ALG14: variants seen among roughly 807,000 people sequenced by gnomAD.
The protein encoded by ALG14 is UDP-N-acetylglucosamine transferase subunit ALG14.
A neutral mutation model predicts 22.8 loss-of-function variants in ALG14; 17 were observed. That is an observed-to-expected ratio of 0.75 (90% confidence interval 0.51 to 1.12). ALG14 has a LOEUF of 1.12. Ranked by LOEUF, ALG14 falls within the 50% of genes most tolerant of loss-of-function variation. The pLI is 0.00. For missense variants in ALG14, 288 were observed against 271.8 expected, an observed-to-expected ratio of 1.06 and a Z score of -0.42; for synonymous variants, 89 against 103.7, an observed-to-expected ratio of 0.86 and a Z score of 0.86.
chr1:95,016,942 G>GGTGTGTGTGTGTGTGTGT (rs55962309), intron 3 of ALG14, among the ~76,000 whole-genome samples: 5 of 129,296 alleles, frequency 3.9e-5, no homozygotes, highest in African/African-American at 5.8e-5. Flanking sequence ...TTGCAAAAGG[G>GGTGTGTGTGTGTGTGTGT]GTGTGTGTGT....
chr1:95,050,477 G>C (rs1270140213), intron 2 of ALG14, among the ~76,000 whole-genome samples: 1 of 152,098 alleles, frequency 6.6e-6, no homozygotes, highest in Non-Finnish European at 1.5e-5. Flanking sequence ...GGTTCTGATA[G>C]AATAGCAATA....
At position 94,983,117 on chromosome 1, in the gene ALG14, C is replaced by T. The variant is rs1672539164; in HGVS notation, c.610G>A (p.Glu204Lys). The T allele has an allele frequency of 1.9e-6, 3 of 1,614,152 alleles. No homozygotes were observed. The highest frequency in any genetic ancestry group is 2.2e-5 in the East Asian group (1 of 44,868). ...YFIVQWPALK[E>K]KYPKSVYLGR... is the part of the protein sequence containing the mutation. ...AGGTACACCGATTTGGGATACTTTT[C>T]TTTCAGAGCCGGCCACTGAACAATG... is the stretch of plus-strand genomic sequence containing the variant. The change falls in exon 4 of 4, where the codon GAA (glutamate) becomes AAA (lysine). Residue 204 changes from glutamate to lysine, a missense_variant. Coordinates refer to ENST00000370205, the MANE Select transcript of ALG14 (RefSeq NM_144988.4).
intron 2 of ALG14, among the ~76,000 whole-genome samples, chr1:95,027,738 A>G (rs1013170447): frequency 6.6e-6 from 1 of 152,240 alleles, no homozygotes; most frequent in Non-Finnish European, 1.5e-5. Context: ...GTGGATAACC[A>G]GTGTTGTTGA....
At chr1:94,987,384 T>C (rs1012787131) in intron 3 of ALG14, among the ~76,000 whole-genome samples, 22 of 152,200 alleles carry the variant, frequency 1.4e-4, no homozygotes, top group African/African-American at 5.3e-4. Flanking sequence ...CACCAACCAG[T>C]AGGGGTTCAA....
intron 1 of ALG14, among the ~76,000 whole-genome samples, chr1:95,071,664 T>C: frequency 6.6e-6 from 1 of 152,218 alleles, no homozygotes; most frequent in Non-Finnish European, 1.5e-5. Flanking sequence ...TATCACCTTC[T>C]TTTCACATCC....
chr1:95,018,547 A>G (rs1049865589), intron 3 of ALG14, among the ~76,000 whole-genome samples: 2 of 152,146 alleles, frequency 1.3e-5, no homozygotes, highest in African/African-American at 4.8e-5. Flanking sequence ...ATTAGTAGAA[A>G]AAAAGACAAA....
At chr1:95,022,233 T>A (rs941375651) in intron 3 of ALG14, 1 of 818,836 alleles carries the variant, frequency 1.2e-6, no homozygotes, top group Non-Finnish European at 1.5e-6. Flanking sequence ...TTGACACAGA[T>A]GTTGTTCGGA....
chr1:95,019,841 A>G (rs1673609574), intron 3 of ALG14, among the ~76,000 whole-genome samples: 1 of 152,268 alleles, frequency 6.6e-6, no homozygotes, highest in Non-Finnish European at 1.5e-5. Flanking sequence ...TTAGCCGGGC[A>G]TAGTGGTGCA....
chr1:95,044,535 T>C (rs1327438742), intron 2 of ALG14, among the ~76,000 whole-genome samples: 1 of 152,148 alleles, frequency 6.6e-6, no homozygotes, highest in Non-Finnish European at 1.5e-5. Context: ...CTCTATGGCT[T>C]TTCCAGAGAC....
intron 3 of ALG14, among the ~76,000 whole-genome samples, chr1:95,000,858 G>A (rs1360584475): frequency 6.6e-6 from 1 of 151,314 alleles, no homozygotes; most frequent in African/African-American, 2.4e-5. Context: ...GAAGAAGAGA[G>A]GGCACAAAGA....
Position 94,978,612 on chromosome 1 carries a change from C to T in ALG14, c.*4464G>A, listed in dbSNP as rs984496717. 1 of 152,130 alleles carries T rather than the reference C, an allele frequency of 6.6e-6. No individual in the cohort carries two copies. The highest frequency in any genetic ancestry group is 1.5e-5 in the Non-Finnish European group (1 of 68,034). 9.4% of individuals were successfully genotyped at this position (152,130 alleles called of 1,614,324 possible). On this transcript the variant is annotated 3_prime_UTR_variant, in exon 4 of 4. Transcript: ENST00000370205. ...GTCACAGAGTTATTTAGAGAATTTG[C>T]TCAAGCTAAATGAAGACAAAGACTT...
At chr1:94,994,312 C>A (rs1672855413) in intron 3 of ALG14, among the ~76,000 whole-genome samples, 1 of 152,154 alleles carries the variant, frequency 6.6e-6, no homozygotes, top group South Asian at 2.1e-4. Flanking sequence ...CCTACTAACC[C>A]AGTATTTTTT....
At chr1:95,026,506 G>GTA (rs1673822569) in intron 3 of ALG14, among the ~76,000 whole-genome samples, 1 of 148,502 alleles carries the variant, frequency 6.7e-6, no homozygotes, top group South Asian at 2.1e-4. Flanking sequence ...GTGTGTGTAT[G>GTA]TGTGTGTGAG....
chr1:95,053,560 TTTTG>T (rs1424405980), intron 2 of ALG14, among the ~76,000 whole-genome samples: 6 of 152,180 alleles, frequency 3.9e-5, no homozygotes, highest in African/African-American at 9.7e-5. Flanking sequence ...TTTTTGTTTT[TTTTG>T]TTTGTTTGTT....
chr1:95,017,238 A>C (rs969817372), intron 3 of ALG14, among the ~76,000 whole-genome samples: 1 of 152,156 alleles, frequency 6.6e-6, no homozygotes, highest in Non-Finnish European at 1.5e-5. Flanking sequence ...AATAAAGTCC[A>C]TCAGTAATCC....
intron 2 of ALG14, among the ~76,000 whole-genome samples, chr1:95,030,186 T>G (rs1301821295): frequency 6.6e-6 from 1 of 152,132 alleles, no homozygotes; most frequent in Admixed American, 6.6e-5. Context: ...GGGAAAGAAA[T>G]AAAACATATT....
chr1:95,047,229 T>C (rs1417429412), intron 2 of ALG14, among the ~76,000 whole-genome samples: 1 of 152,116 alleles, frequency 6.6e-6, no homozygotes, highest in East Asian at 1.9e-4. Context: ...TATGTATACA[T>C]GTAACAGAAG....
chr1:95,058,966 CCTGA>C (rs1340242934), intron 2 of ALG14, among the ~76,000 whole-genome samples: 1 of 151,910 alleles, frequency 6.6e-6, no homozygotes, highest in Non-Finnish European at 1.5e-5. Flanking sequence ...ATTCCTTTAG[CCTGA>C]CTTTCAATTC....
intron 2 of ALG14, among the ~76,000 whole-genome samples, chr1:95,063,531 T>C (rs985612851): frequency 6.6e-6 from 1 of 152,054 alleles, no homozygotes; most frequent in Non-Finnish European, 1.5e-5. Context: ...TTCAACTCCT[T>C]GCAAAATAGA....
Sources: allele counts gnomAD v4.1 joint callset (sites outside exome capture counted in the v4.1 genomes callset), GRCh38; gene constraint gnomAD v4.1.1; transcripts MANE v1.5; gene names NCBI Gene and HGNC (gene_info 2026-07-23, HGNC 2026-07-21).